Variants in SYT14 observed in about 807,000 individuals in gnomAD.
SYT14 encodes synaptotagmin 14.
A neutral mutation model predicts 74.2 loss-of-function variants in SYT14; 32 were observed. The ratio of observed to expected loss-of-function variants is 0.43; its 90% CI spans 0.33 to 0.58. The LOEUF (loss-of-function observed/expected upper bound fraction) is 0.58, where lower values mean the gene tolerates loss of function less well. Ranked by LOEUF, SYT14 falls within the 20% of genes least tolerant of loss-of-function variation. The pLI is 0.05. For missense variants in SYT14, 791 were observed against 981.8 expected (o/e 0.81, Z 2.60); for synonymous variants, 298 against 337.7 (o/e 0.88, Z 1.29).
chr1:209,974,580 G>T (rs998666239), intron 2 of SYT14, among the ~76,000 whole-genome samples: 7 of 152,000 alleles, frequency 4.6e-5, no homozygotes, highest in Middle Eastern at 3.2e-3. Flanking sequence ...TATCTCTGTT[G>T]TGGTACCAGT....
At chr1:210,037,875 A>C (rs1333994783) in intron 5 of SYT14, among the ~76,000 whole-genome samples, 2 of 152,042 alleles carry the variant, frequency 1.3e-5, no homozygotes, top group Non-Finnish European at 2.9e-5. Flanking sequence ...TGTGTTGGAG[A>C]ATATTCCATG....
chr1:209,985,291 G>T (rs559810274), intron 2 of SYT14, among the ~76,000 whole-genome samples: 18 of 152,310 alleles, frequency 1.2e-4, no homozygotes, highest in Admixed American at 5.2e-4. Flanking sequence ...GGGAGAAATC[G>T]GCCAAAAGAA....
intron 5 of SYT14, among the ~76,000 whole-genome samples, chr1:210,031,183 T>C (rs1482245571): frequency 1.3e-5 from 2 of 151,564 alleles, no homozygotes; most frequent in Non-Finnish European, 2.9e-5. Flanking sequence ...TCTGTATCTG[T>C]TGATAGTATC....
intron 5 of SYT14, among the ~76,000 whole-genome samples, chr1:210,024,882 G>A (rs188938613): frequency 1.3e-5 from 2 of 151,844 alleles, no homozygotes; most frequent in Admixed American, 1.3e-4. Context: ...GGAAGGCAGC[G>A]TGGTTGGGGA....
At chr1:210,112,435 T>A (rs759269815) in intron 7 of SYT14, among the ~76,000 whole-genome samples, 1 of 151,402 alleles carries the variant, frequency 6.6e-6, no homozygotes, top group African/African-American at 2.5e-5. Context: ...TATGAAATAA[T>A]GACAGAATAG....
At chr1:210,101,575 G>A (rs1438449146) in intron 7 of SYT14, among the ~76,000 whole-genome samples, 1 of 151,852 alleles carries the variant, frequency 6.6e-6, no homozygotes, top group Non-Finnish European at 1.5e-5. Flanking sequence ...AATCTCTGTT[G>A]GGAAAATTGA....
intron 7 of SYT14, among the ~76,000 whole-genome samples, chr1:210,138,506 C>G (rs1482862457): frequency 6.6e-6 from 1 of 152,070 alleles, no homozygotes; most frequent in African/African-American, 2.4e-5. Flanking sequence ...TCTCCCATAT[C>G]TCTCTATATA....
At chr1:210,151,394 T>G (rs895735152) in intron 7 of SYT14, among the ~76,000 whole-genome samples, 2 of 152,100 alleles carry the variant, frequency 1.3e-5, no homozygotes, top group Non-Finnish European at 2.9e-5. Context: ...AATTTGAGGT[T>G]GTTTGTTTTT....
chr1:210,047,522 CG>C (rs1158563821), intron 5 of SYT14, among the ~76,000 whole-genome samples: 1 of 152,026 alleles, frequency 6.6e-6, no homozygotes, highest in Non-Finnish European at 1.5e-5. Flanking sequence ...CTCAGCCTCC[CG>C]AGTAGCTAGG....
chr1:210,047,860 C>A (rs1381067884), intron 5 of SYT14, among the ~76,000 whole-genome samples: 1 of 152,138 alleles, frequency 6.6e-6, no homozygotes, highest in Non-Finnish European at 1.5e-5. Flanking sequence ...AAAAAGATGT[C>A]CACTTTTTTC....
rs17015695 is a variant in SYT14 at position 210,160,856 on chromosome 1, T to C, written c.2409T>C (p.Phe803=). The change falls in exon 10 of 10, where the codon TTT becomes TTC. Residue 803 remains phenylalanine (F), a synonymous_variant. Transcript: ENST00000637265. ...CTTTTGTCTTTCAAGTGGCCCTATT[T>C]CAGCTTTCTGATGTGACACTCATAC... 1.9e-3 allele frequency: 3,110 copies of C among 1,614,006 alleles called. 63 individuals carry two copies. The African/African-American group carries it at 0.036, about 19-fold the overall frequency.
intron 7 of SYT14, among the ~76,000 whole-genome samples, chr1:210,134,794 T>C (rs539804492): frequency 6.6e-6 from 1 of 152,334 alleles, no homozygotes; most frequent in Admixed American, 6.5e-5. Flanking sequence ...TCTGGGTTCA[T>C]TGAGTTTCTC....
intron 4 of SYT14, 82 bp from the exon 4 acceptor site, chr1:210,020,957 A>G: frequency 8.7e-7 from 1 of 1,146,214 alleles, no homozygotes; most frequent in South Asian, 1.3e-5. Context: ...AAAAATTATC[A>G]TTTGACGGGC....
At chr1:210,114,164 G>C (rs897803816) in intron 7 of SYT14, among the ~76,000 whole-genome samples, 5 of 151,476 alleles carry the variant, frequency 3.3e-5, no homozygotes, top group Non-Finnish European at 7.3e-5. Context: ...TGCCAGGCAA[G>C]CTGGACAGTC....
chr1:210,109,589 A>AAG (rs1322430014), intron 7 of SYT14, among the ~76,000 whole-genome samples: 6 of 151,062 alleles, frequency 4.0e-5, no homozygotes, highest in South Asian at 2.1e-4. Flanking sequence ...AAAAAAAAAA[A>AAG]AGAGAGAAAA....
At chr1:210,078,786 G>C (rs554879883) in intron 5 of SYT14, among the ~76,000 whole-genome samples, 1 of 149,784 alleles carries the variant, frequency 6.7e-6, no homozygotes, top group Non-Finnish European at 1.5e-5. Context: ...TTACCCTGTC[G>C]CCCAGGCTGG....
chr1:210,165,658 A>G (rs922912732), exon 10 of SYT14: 2 of 152,042 alleles, frequency 1.3e-5, no homozygotes, highest in South Asian at 4.1e-4. Flanking sequence ...TTTTATTCTC[A>G]ATTTTATTAA....
At chr1:210,054,080 A>T (rs1186934523) in intron 5 of SYT14, among the ~76,000 whole-genome samples, 1 of 151,972 alleles carries the variant, frequency 6.6e-6, no homozygotes, top group African/African-American at 2.4e-5. Flanking sequence ...TTTGGTTCTC[A>T]TTTATTTTTA....
At chr1:210,076,865 C>T (rs1197944881) in intron 5 of SYT14, among the ~76,000 whole-genome samples, 6 of 152,186 alleles carry the variant, frequency 3.9e-5, no homozygotes, top group Non-Finnish European at 7.3e-5. Flanking sequence ...GACTCAATCA[C>T]CTCCCACCAG....
Sources: gnomAD v4.1 joint callset for allele counts (sites outside exome capture counted in the v4.1 genomes callset) on GRCh38, gnomAD v4.1.1 for gene constraint, MANE v1.5 for transcripts, NCBI Gene and HGNC (gene_info 2026-07-23, HGNC 2026-07-21) for gene names.